NCBP1: variants seen among roughly 807,000 people sequenced by gnomAD.
NCBP1 encodes nuclear cap binding protein subunit 1, also known as nuclear cap-binding protein subunit 1.
Under a neutral mutation model 111.7 loss-of-function variants are expected in NCBP1, and 16 were observed. The observed-to-expected ratio is 0.14, with a 90% CI of 0.10 to 0.22. The LOEUF (loss-of-function observed/expected upper bound fraction) is 0.22, where lower values mean the gene tolerates loss of function less well. Among genes scored for constraint, NCBP1 ranks in the 10% least tolerant of loss-of-function variants. The probability of loss-of-function intolerance (pLI) is 1.00; values close to 1 mark genes in which losing one functional copy is unlikely to be tolerated. For synonymous variants in NCBP1, 304 were observed against 314.3 expected, an observed-to-expected ratio of 0.97 and a Z score of 0.35; for missense variants, 607 against 957.5, an observed-to-expected ratio of 0.63 and a Z score of 4.83.
intron 15 of NCBP1, 23 bp from the exon 16 acceptor site, chr9:97,660,923 C>T (rs375805053): frequency 7.3e-5 from 116 of 1,598,426 alleles, no homozygotes; most frequent in Non-Finnish European, 9.3e-5. Flanking sequence ...TGTCATTCCC[C>T]TTACCCCCAA....
intron 18 of NCBP1, 26 bp from the exon 19 acceptor site, chr9:97,664,314 T>A: frequency 1.4e-6 from 2 of 1,425,048 alleles, no homozygotes; most frequent in Non-Finnish European, 2.0e-6. Flanking sequence ...TGTGTGTGAT[T>A]TACTTGAATA....
At position 97,643,730 on chromosome 9, in the gene NCBP1, C is replaced by T. The variant is rs954548834; in HGVS notation, c.381+370C>T. On this transcript the variant is annotated intron_variant, in intron 4 of 22. Transcript: ENST00000375147. Reference sequence around the variant, plus strand: ...AATTTTTGTCTTCCCTTTGCCCTCTCGTACCATAGGTGTTCCCAATCCCTG... The same window carrying T: ...AATTTTTGTCTTCCCTTTGCCCTCTTGTACCATAGGTGTTCCCAATCCCTG... Among the ~76,000 whole-genome samples the T allele has an allele frequency of 5.3e-5, 8 of 152,278 alleles. No individual in the cohort carries two copies. In the East Asian group the frequency reaches 1.5e-3, roughly 29 times the overall value.
rs201444041 is a variant in NCBP1, at chr9:97,661,793, AT to A, written c.1601-238del. On this transcript the variant is annotated intron_variant, in intron 16 of 22. Transcript: ENST00000375147. The stretch of plus-strand genomic sequence containing the variant: ...GGCTATGAATAAGGAAACCTGTGTG[AT>A]TTTTTTTTTTCAAGGAATGGATGAT... Among the ~76,000 whole-genome samples the A allele has an allele frequency of 3.8e-3, 478 of 126,110 alleles. 1 individual carries two copies. Among genetic ancestry groups the A allele is most frequent in the Non-Finnish European group, 5.6e-3 (322 of 57,930 alleles). 82.7% of individuals were successfully genotyped at this position (126,110 alleles called of 152,430 possible).
Position 97,650,619 on chromosome 9 carries a change from T to C in NCBP1, c.995+19T>C. 1 of 1,599,288 alleles carries C rather than the reference T, an allele frequency of 6.3e-7. No homozygotes were observed. The highest frequency in any genetic ancestry group is 1.1e-5 in the South Asian group (1 of 90,216). On this transcript the variant is annotated intron_variant, in intron 9 of 22. Coordinates refer to ENST00000375147, the MANE Select transcript of NCBP1 (RefSeq NM_002486.5). ...AGACTTGGTAAGATTCTTTTCATGG[T>C]ACTTTTAGAAGGGAGAGAAGCAGCA...
chr9:97,643,400 G>C, intron 4 of NCBP1, 40 bp downstream of exon 4: 1 of 1,488,570 alleles, frequency 6.7e-7, no homozygotes, highest in Non-Finnish European at 8.9e-7. Flanking sequence ...GACTACTGTT[G>C]GGATGGAGGG....
chr9:97,659,784 AT>A, intron 15 of NCBP1, among the ~76,000 whole-genome samples: 1 of 152,330 alleles, frequency 6.6e-6, no homozygotes, highest in South Asian at 2.1e-4. Context: ...TTTGTTGAAG[AT>A]TAAGCTTTCT....
At chr9:97,667,035 G>C (rs536824807) in intron 20 of NCBP1, among the ~76,000 whole-genome samples, 158 bp downstream of exon 20, 5 of 152,338 alleles carry the variant, frequency 3.3e-5, no homozygotes, top group African/African-American at 1.2e-4. Context: ...AGAAGCAGAA[G>C]AGGAGGAAGG....
intron 10 of NCBP1, among the ~76,000 whole-genome samples, chr9:97,653,086 T>A (rs1316312285): frequency 6.6e-6 from 1 of 152,124 alleles, no homozygotes; most frequent in African/African-American, 2.4e-5. Context: ...GACTTGATTT[T>A]CTTGTTTCCT....
At chr9:97,648,299 G>A in intron 8 of NCBP1, 76 bp downstream of exon 8, 1 of 1,339,750 alleles carries the variant, frequency 7.5e-7, no homozygotes, top group Non-Finnish European at 1.1e-6. Flanking sequence ...CTTGAATTAT[G>A]CCTGTGGTAT....
chr9:97,651,520 G>A lies in NCBP1; in HGVS notation c.1059+147G>A, dbSNP rs116987373. ...AATTAATAGAAGCAAGGAAATTGCT[G>A]TCGGTTTTGGTGCTCTATTAGCCAT... On this transcript the variant is annotated intron_variant, in intron 10 of 22. Transcript: ENST00000375147. 1.6e-3 allele frequency: 1,127 copies of A among 713,988 alleles called. 3 individuals are homozygous for A. The highest frequency in any genetic ancestry group is 1.1e-3 in the Non-Finnish European group (528 of 470,250). 44.2% of individuals were successfully genotyped at this position (713,988 alleles called of 1,614,324 possible). A position where few individuals can be genotyped will look rare whatever the true frequency, so the allele number is the denominator to read the frequency against.
chr9:97,671,064 A>T, intron 22 of NCBP1, 22 bp from the exon 23 acceptor site: 5 of 1,503,100 alleles, frequency 3.3e-6, no homozygotes, highest in Non-Finnish European at 3.7e-6. Context: ...TGACCTAACT[A>T]CCCCCTTTTG....
At chr9:97,645,056 T>C (rs1457327203) in intron 4 of NCBP1, 61 bp from the exon 5 acceptor site, 2 of 1,260,056 alleles carry the variant, frequency 1.6e-6, no homozygotes, top group African/African-American at 1.5e-5. Flanking sequence ...CAAGATTGCT[T>C]ATTTTGTAGT....
intron 20 of NCBP1, among the ~76,000 whole-genome samples, chr9:97,667,508 A>G (rs1375630392): frequency 1.3e-5 from 2 of 152,182 alleles, no homozygotes; most frequent in Admixed American, 1.3e-4. Flanking sequence ...ATATATGGAT[A>G]TAAACACTCA....
At chr9:97,642,149 T>G (rs922994168) in intron 3 of NCBP1, among the ~76,000 whole-genome samples, 1 of 152,108 alleles carries the variant, frequency 6.6e-6, no homozygotes. Flanking sequence ...TTTTAAATTA[T>G]GAAGGTGATG....
chr9:97,648,895 T>G (rs1002095814), intron 8 of NCBP1, among the ~76,000 whole-genome samples: 1 of 152,120 alleles, frequency 6.6e-6, no homozygotes, highest in African/African-American at 2.4e-5. Flanking sequence ...AGAGTTGAGA[T>G]TTCGCCATGT....
rs184460928 is a variant in NCBP1 at position 97,665,180 on chromosome 9, T to C, written c.1901+737T>C. Reference sequence around the variant, plus strand: ...GGACACTGATCAGAAATATACTGAATTGTTAGGGTGATAGGGTGTGATCTA... The same window carrying C: ...GGACACTGATCAGAAATATACTGAACTGTTAGGGTGATAGGGTGTGATCTA... On this transcript the variant is annotated intron_variant, in intron 19 of 22. Coordinates refer to ENST00000375147, the MANE Select transcript of NCBP1 (RefSeq NM_002486.5). Among the ~76,000 whole-genome samples, 3 of 152,330 alleles carry C rather than the reference T, an allele frequency of 2.0e-5. No individual in the cohort carries two copies. In the East Asian group the frequency reaches 5.8e-4, roughly 29 times the overall value.
Position 97,653,675 on chromosome 9 carries a change from AAG to A in NCBP1, c.1060-122_1060-121del, listed in dbSNP as rs113325241. On this transcript the variant is annotated intron_variant, in intron 10 of 22. Transcript: ENST00000375147. ...AAAGAGCATAATTTTAAATATTAAAAAGTAATTCCATTTTCATATGAATGCCA... is the reference window on the plus strand; with the variant it reads ...AAAGAGCATAATTTTAAATATTAAAATAATTCCATTTTCATATGAATGCCA... 0.031 allele frequency: 19,984 copies of A among 654,242 alleles called. 2,979 individuals carry two copies. The African/African-American group carries it at 0.32, about 11-fold the overall frequency. The allele number at this position is 654,242 out of a possible 1,614,324, so 40.5% of individuals were successfully genotyped here.
intron 22 of NCBP1, among the ~76,000 whole-genome samples, chr9:97,670,783 T>C (rs1471445499): frequency 6.6e-6 from 1 of 152,210 alleles, no homozygotes; most frequent in Non-Finnish European, 1.5e-5. Flanking sequence ...CTGAGCCTAG[T>C]CCGTAATAGT....
chr9:97,662,160 G>C lies in NCBP1; in HGVS notation c.1703+16G>C. The C allele has an allele frequency of 6.3e-7, 1 of 1,589,624 alleles. No homozygotes were observed. The highest frequency in any genetic ancestry group is 8.6e-7 in the Non-Finnish European group (1 of 1,159,358). Reference sequence around the variant, plus strand: ...CTCTTGCAAAGTATGTATGAGTACAGAGCCTTGCTTGAGAGTTTGGAATTT... The same window carrying C: ...CTCTTGCAAAGTATGTATGAGTACACAGCCTTGCTTGAGAGTTTGGAATTT... On this transcript the variant is annotated intron_variant, in intron 17 of 22. Coordinates refer to ENST00000375147, the MANE Select transcript of NCBP1 (RefSeq NM_002486.5).
Sources: gnomAD v4.1 joint callset for allele counts (sites outside exome capture counted in the v4.1 genomes callset) on GRCh38, gnomAD v4.1.1 for gene constraint, MANE v1.5 for transcripts, NCBI Gene and HGNC (gene_info 2026-07-23, HGNC 2026-07-21) for gene names.